GNB1: variants seen among roughly 807,000 people sequenced by gnomAD.
GNB1 encodes G protein subunit beta 1.
Under a neutral mutation model 42.9 loss-of-function variants are expected in GNB1, and 2 were observed. That is an observed-to-expected ratio of 0.05 (90% CI 0.02 to 0.15). The LOEUF (loss-of-function observed/expected upper bound fraction) is 0.15, where lower values mean the gene tolerates loss of function less well. GNB1 is among the 10% of genes least tolerant of loss of function. The pLI is 1.00. For synonymous variants in GNB1, 183 were observed against 174.7 expected (o/e 1.05, Z -0.38); for missense variants, 193 against 462.2 (o/e 0.42, Z 5.34).
At chr1:1,872,096 G>C (rs1649281048) in intron 1 of GNB1, among the ~76,000 whole-genome samples, 1 of 151,536 alleles carries the variant, frequency 6.6e-6, no homozygotes, top group African/African-American at 2.4e-5. Context: ...CCAACTCCTG[G>C]GCTGAAGCGA....
intron 1 of GNB1, among the ~76,000 whole-genome samples, chr1:1,884,923 T>C (rs1277360267): frequency 1.3e-5 from 2 of 151,672 alleles, no homozygotes; most frequent in Non-Finnish European, 2.9e-5. Context: ...GACATCGTGA[T>C]CTGCCCGCCT....
chr1:1,880,511 G>A (rs927113412), intron 1 of GNB1, among the ~76,000 whole-genome samples: 5 of 151,980 alleles, frequency 3.3e-5, no homozygotes, highest in South Asian at 4.2e-4. Flanking sequence ...GCGTGAACCC[G>A]GGAGGCGGAG....
At chr1:1,882,732 C>A (rs112252178) in intron 1 of GNB1, among the ~76,000 whole-genome samples, 3 of 152,082 alleles carry the variant, frequency 2.0e-5, no homozygotes, top group African/African-American at 7.2e-5. Context: ...ACCAGACTGG[C>A]CAATATGGTG....
At chr1:1,882,156 T>C (rs371412219) in intron 1 of GNB1, among the ~76,000 whole-genome samples, 113 of 152,034 alleles carry the variant, frequency 7.4e-4, no homozygotes, top group African/African-American at 2.6e-3. Context: ...CCCAGTAAGG[T>C]GCTAAATTGG....
intron 1 of GNB1, among the ~76,000 whole-genome samples, chr1:1,844,039 C>CA (rs992752853): frequency 1.3e-4 from 19 of 151,784 alleles, no homozygotes; most frequent in African/African-American, 4.6e-4. Flanking sequence ...ACTAAAAATA[C>CA]AAAAAATTAG....
At chr1:1,814,937 C>A (rs775114610) in intron 5 of GNB1, among the ~76,000 whole-genome samples, 22 of 151,102 alleles carry the variant, frequency 1.5e-4, no homozygotes, top group Non-Finnish European at 3.1e-4. Flanking sequence ...ATGGTGAAAC[C>A]CCATCTCTAC....
intron 4 of GNB1, 193 bp downstream of exon 4, chr1:1,817,644 T>C (rs550387629): frequency 4.1e-6 from 2 of 484,142 alleles, no homozygotes. Context: ...GCTTGAGATA[T>C]CTCATTTTTA....
At chr1:1,821,121 T>C (rs1013398945) in intron 3 of GNB1, among the ~76,000 whole-genome samples, 1 of 152,198 alleles carries the variant, frequency 6.6e-6, no homozygotes, top group African/African-American at 2.4e-5. Flanking sequence ...AGTAACACAC[T>C]TACTTTGGGG....
At chr1:1,837,279 G>A (rs958943611) in intron 2 of GNB1, among the ~76,000 whole-genome samples, 2 of 148,206 alleles carry the variant, frequency 1.3e-5, no homozygotes, top group Admixed American at 6.7e-5. Flanking sequence ...TTTTGAGACG[G>A]AGTCTCACTC....
At chr1:1,829,960 G>C (rs1037097897) in intron 2 of GNB1, among the ~76,000 whole-genome samples, 15 of 152,020 alleles carry the variant, frequency 9.9e-5, no homozygotes, top group African/African-American at 3.6e-4. Context: ...GGCTGGTCTT[G>C]AACTCCTGAC....
Position 1,789,273 on chromosome 1 carries a change from GA to G in GNB1, c.700-5del. On this transcript the variant is annotated splice_region_variant and splice_polypyrimidine_tract_variant and intron_variant, in intron 9 of 11. Transcript: ENST00000378609. ...ATGCATTGCCATTTGGAAAGAACTG[GA>G]AAGAGAAAGCAAATCAAGACATCAT... The G allele has an allele frequency of 6.5e-7, 1 of 1,546,936 alleles. No homozygotes were observed. The highest frequency in any genetic ancestry group is 1.7e-4 in the Middle Eastern group (1 of 5,952).
At chr1:1,874,137 T>C (rs563277992) in intron 1 of GNB1, among the ~76,000 whole-genome samples, 2 of 152,262 alleles carry the variant, frequency 1.3e-5, no homozygotes, top group East Asian at 3.9e-4. Flanking sequence ...GACAACACTC[T>C]TCAGTTCCCA....
chr1:1,834,945 G>A (rs1413200511), intron 2 of GNB1, among the ~76,000 whole-genome samples: 1 of 152,160 alleles, frequency 6.6e-6, no homozygotes, highest in Non-Finnish European at 1.5e-5. Context: ...TGGGATTACA[G>A]GCGTGAGCCA....
At chr1:1,849,657 TC>T (rs913642976) in intron 1 of GNB1, among the ~76,000 whole-genome samples, 4 of 152,120 alleles carry the variant, frequency 2.6e-5, no homozygotes, top group Non-Finnish European at 4.4e-5. Context: ...CCACTCAGTC[TC>T]CCAAAGTGCT....
At chr1:1,871,330 C>G (rs986193558) in intron 1 of GNB1, among the ~76,000 whole-genome samples, 1 of 152,084 alleles carries the variant, frequency 6.6e-6, no homozygotes, top group Admixed American at 6.5e-5. Flanking sequence ...CATGGTGGCA[C>G]ACATCTATAA....
chr1:1,792,697 A>C (rs75801612), intron 8 of GNB1, among the ~76,000 whole-genome samples: 40 of 46,980 alleles, frequency 8.5e-4, no homozygotes, highest in African/African-American at 3.4e-3. Flanking sequence ...ACTCTATCTC[A>C]AAAAAAAAAA....
intron 1 of GNB1, among the ~76,000 whole-genome samples, chr1:1,889,751 C>A (rs1447281172): frequency 6.6e-6 from 1 of 151,336 alleles, no homozygotes; most frequent in Non-Finnish European, 1.5e-5. Flanking sequence ...ATTTAACGGA[C>A]ACAAGAAATG....
chr1:1,804,366 T>C (rs746063419), intron 7 of GNB1, 53 bp downstream of exon 7: 3 of 1,200,166 alleles, frequency 2.5e-6, no homozygotes, highest in Non-Finnish European at 3.7e-6. Flanking sequence ...GCATATAATG[T>C]ACCCCAGGTA....
intron 7 of GNB1, among the ~76,000 whole-genome samples, chr1:1,802,239 T>C (rs1379421083): frequency 6.6e-6 from 1 of 152,104 alleles, no homozygotes; most frequent in Non-Finnish European, 1.5e-5. Flanking sequence ...ACACATATCA[T>C]TCCCATGTGC....
Sources: allele counts gnomAD v4.1 joint callset (sites outside exome capture counted in the v4.1 genomes callset), GRCh38; gene constraint gnomAD v4.1.1; transcripts MANE v1.5; gene names NCBI Gene and HGNC (gene_info 2026-07-23, HGNC 2026-07-21).